Variants in SH3GL2 observed in about 807,000 individuals in gnomAD.
SH3GL2 encodes endophilin-A1.
A neutral mutation model predicts 46.0 loss-of-function variants in SH3GL2; 24 were observed. The observed-to-expected ratio is 0.52, with a 90% CI of 0.38 to 0.73. The LOEUF (loss-of-function observed/expected upper bound fraction) is 0.73. Ranked by LOEUF, SH3GL2 falls within the 30% of genes least tolerant of loss-of-function variation. The probability of loss-of-function intolerance (pLI) is 0.00; values close to 1 mark genes in which losing one functional copy is unlikely to be tolerated. For missense variants in SH3GL2, 413 were observed against 424.2 expected (o/e 0.97, Z 0.23); for synonymous variants, 196 against 147.1 (o/e 1.33, Z -2.40).
intron 1 of SH3GL2, among the ~76,000 whole-genome samples, chr9:17,721,893 A>G (rs1007343036): frequency 2.0e-5 from 3 of 152,056 alleles, no homozygotes; most frequent in African/African-American, 7.2e-5. Flanking sequence ...ATAACCACTA[A>G]TAGGAAAATT....
intron 1 of SH3GL2, among the ~76,000 whole-genome samples, chr9:17,661,568 G>A (rs1348879676): frequency 1.3e-5 from 2 of 152,162 alleles, no homozygotes; most frequent in African/African-American, 4.8e-5. Context: ...GAGAATATTA[G>A]GATTTCCATT....
intron 2 of SH3GL2, among the ~76,000 whole-genome samples, chr9:17,749,186 G>A (rs73642209): frequency 0.026 from 4,027 of 152,248 alleles, 178 homozygotes; most frequent in African/African-American, 0.093. Flanking sequence ...TCTCTGGATG[G>A]TTCTAAATAC....
intron 1 of SH3GL2, among the ~76,000 whole-genome samples, chr9:17,663,576 T>C (rs1458809803): frequency 1.3e-5 from 2 of 152,208 alleles, no homozygotes; most frequent in Non-Finnish European, 2.9e-5. Flanking sequence ...AAATACGGAT[T>C]TATTGTTGTT....
chr9:17,597,433 C>T (rs1015775764), intron 1 of SH3GL2, among the ~76,000 whole-genome samples: 5 of 151,942 alleles, frequency 3.3e-5, no homozygotes, highest in African/African-American at 9.7e-5. Context: ...AGGAGAATCG[C>T]TTTAACCCAG....
At chr9:17,755,281 A>G (rs774477111) in intron 2 of SH3GL2, among the ~76,000 whole-genome samples, 3 of 152,182 alleles carry the variant, frequency 2.0e-5, no homozygotes, top group Non-Finnish European at 4.4e-5. Flanking sequence ...TATGTGATGA[A>G]TCATATTTAT....
At chr9:17,617,460 G>A (rs1328557411) in intron 1 of SH3GL2, among the ~76,000 whole-genome samples, 9 of 152,156 alleles carry the variant, frequency 5.9e-5, no homozygotes, top group Non-Finnish European at 8.8e-5. Context: ...TTTGGAAAAT[G>A]CAGTGTCCTT....
chr9:17,641,957 C>G (rs777643572), intron 1 of SH3GL2, among the ~76,000 whole-genome samples: 5 of 152,080 alleles, frequency 3.3e-5, no homozygotes, highest in Non-Finnish European at 5.9e-5. Flanking sequence ...TATATACCCA[C>G]TAATGGGATT....
intron 1 of SH3GL2, among the ~76,000 whole-genome samples, chr9:17,729,935 C>A (rs1391965460): frequency 3.9e-5 from 6 of 151,978 alleles, no homozygotes; most frequent in Non-Finnish European, 2.9e-5. Flanking sequence ...ATTGTCTTGG[C>A]TATACGGGCT....
At chr9:17,626,973 A>G (rs1220597919) in intron 1 of SH3GL2, among the ~76,000 whole-genome samples, 1 of 152,110 alleles carries the variant, frequency 6.6e-6, no homozygotes, top group Non-Finnish European at 1.5e-5. Context: ...AGCCAGGATA[A>G]TCTTCTTTAA....
intron 1 of SH3GL2, among the ~76,000 whole-genome samples, chr9:17,698,474 G>A (rs1821263488): frequency 6.6e-6 from 1 of 152,166 alleles, no homozygotes; most frequent in South Asian, 2.1e-4. Flanking sequence ...TCCTTGGAAA[G>A]TATTTTTTTA....
chr9:17,791,066 A>C (rs1007803169), intron 6 of SH3GL2, among the ~76,000 whole-genome samples, 165 bp from the exon 7 acceptor site: 1 of 152,218 alleles, frequency 6.6e-6, no homozygotes, highest in African/African-American at 2.4e-5. Context: ...GATGGATTTG[A>C]AACCTGCAGA....
At chr9:17,677,504 T>A (rs1820642349) in intron 1 of SH3GL2, among the ~76,000 whole-genome samples, 1 of 152,144 alleles carries the variant, frequency 6.6e-6, no homozygotes, top group South Asian at 2.1e-4. Context: ...AATGAATGAT[T>A]ATTTTATACA....
chr9:17,753,367 T>G (rs952358937), intron 2 of SH3GL2, among the ~76,000 whole-genome samples: 1 of 152,224 alleles, frequency 6.6e-6, no homozygotes, highest in African/African-American at 2.4e-5. Context: ...CTTGTCAGCA[T>G]CTGTTGTTTT....
intron 1 of SH3GL2, among the ~76,000 whole-genome samples, chr9:17,733,071 A>G (rs1242240050): frequency 2.0e-5 from 3 of 152,022 alleles, no homozygotes; most frequent in Non-Finnish European, 2.9e-5. Context: ...CCGTGGGATG[A>G]TATCTTCCCA....
At chr9:17,775,089 T>C (rs538303103) in intron 3 of SH3GL2, among the ~76,000 whole-genome samples, 31 of 150,632 alleles carry the variant, frequency 2.1e-4, no homozygotes, top group Non-Finnish European at 4.3e-4. Flanking sequence ...ATAGTACTCT[T>C]AATAATCTTA....
intron 1 of SH3GL2, among the ~76,000 whole-genome samples, chr9:17,720,476 C>T (rs568205199): frequency 6.6e-5 from 10 of 152,102 alleles, no homozygotes; most frequent in South Asian, 4.2e-4. Context: ...AATGAGGTAC[C>T]GAGACAGCTG....
At chr9:17,665,716 C>T (rs1214228959) in intron 1 of SH3GL2, among the ~76,000 whole-genome samples, 4 of 151,748 alleles carry the variant, frequency 2.6e-5, no homozygotes, top group African/African-American at 7.3e-5. Flanking sequence ...TCAGCCAGTA[C>T]TCTAAGGACC....
chr9:17,778,391 C>T (rs1281222499), intron 3 of SH3GL2, among the ~76,000 whole-genome samples: 2 of 152,004 alleles, frequency 1.3e-5, no homozygotes, highest in African/African-American at 2.4e-5. Context: ...GTGATCAGTG[C>T]AGTGAATTAA....
chr9:17,722,009 A>AT (rs1821906532), intron 1 of SH3GL2, among the ~76,000 whole-genome samples: 1 of 152,034 alleles, frequency 6.6e-6, no homozygotes, highest in South Asian at 2.1e-4. Flanking sequence ...CACATGTATG[A>AT]TTTTCATCAC....
Sources: allele counts gnomAD v4.1 joint callset (sites outside exome capture counted in the v4.1 genomes callset), GRCh38; gene constraint gnomAD v4.1.1; transcripts MANE v1.5; gene names NCBI Gene and HGNC (gene_info 2026-07-23, HGNC 2026-07-21).